Variants in GRIK4 observed in about 807,000 individuals in gnomAD.
The protein encoded by GRIK4 is glutamate ionotropic receptor kainate type subunit 4, also known as glutamate receptor ionotropic, kainate 4.
Under a neutral mutation model 104.9 loss-of-function variants are expected in GRIK4, and 40 were observed. That is an observed-to-expected ratio of 0.38 (90% CI 0.30 to 0.50). The LOEUF (loss-of-function observed/expected upper bound fraction) is 0.50, where lower values mean the gene tolerates loss of function less well. Among genes scored for constraint, GRIK4 ranks in the 20% least tolerant of loss-of-function variants. The pLI, the probability that GRIK4 is intolerant of heterozygous loss-of-function variation, is 0.93. For missense variants in GRIK4, 1,047 were observed against 1,308.1 expected (o/e 0.80, Z 3.08); for synonymous variants, 485 against 524.9 (o/e 0.92, Z 1.04).
In GRIK4 at chr11:120,903,654, C is replaced by T. The variant is rs1326986791; in HGVS notation, c.1273-1636C>T. Among the ~76,000 whole-genome samples, 2 of 152,230 alleles carry T rather than the reference C, an allele frequency of 1.3e-5. No homozygotes were observed. The highest frequency in any genetic ancestry group is 2.4e-5 in the African/African-American group (1 of 41,458). On this transcript the variant is annotated intron_variant, in intron 12 of 20. Coordinates refer to ENST00000527524, the MANE Select transcript of GRIK4 (RefSeq NM_014619.5). The surrounding 1 kb of genome is among the most constrained non-coding windows in gnomAD (Gnocchi z 4.4). ...AGCTGCCCTCCAACGTAGGGAGTCACAGAATCACAGAATTGGGTGGGCCCC... is the reference window on the plus strand; with the variant it reads ...AGCTGCCCTCCAACGTAGGGAGTCATAGAATCACAGAATTGGGTGGGCCCC...
chr11:120,864,203 ATTTT>A (rs1175787044), intron 9 of GRIK4, among the ~76,000 whole-genome samples: 7 of 139,486 alleles, frequency 5.0e-5, no homozygotes, highest in African/African-American at 1.6e-4. Context: ...CAGTATTTTT[ATTTT>A]TATTTATTTA....
At chr11:120,519,886 T>C (rs553649401) in intron 1 of GRIK4, among the ~76,000 whole-genome samples, 3 of 149,484 alleles carry the variant, frequency 2.0e-5, no homozygotes, top group Non-Finnish European at 4.4e-5. Flanking sequence ...TTTTGTTTTT[T>C]TTTTTGTTGT....
chr11:120,936,275 C>G, intron 13 of GRIK4: 1 of 510,138 alleles, frequency 2.0e-6, no homozygotes, highest in Non-Finnish European at 3.9e-6. Context: ...CATCTTCCAG[C>G]TCCTTTGCAA....
chr11:120,754,065 T>C (rs368629910), intron 3 of GRIK4, among the ~76,000 whole-genome samples: 1 of 152,180 alleles, frequency 6.6e-6, no homozygotes, highest in East Asian at 1.9e-4. Flanking sequence ...GGAGTCTTGC[T>C]GTGTCACTCA....
At chr11:120,810,057 A>G (rs1002331378) in intron 4 of GRIK4, among the ~76,000 whole-genome samples, 15 of 152,212 alleles carry the variant, frequency 9.9e-5, no homozygotes, top group African/African-American at 1.7e-4. Flanking sequence ...AAAGTGAGAC[A>G]CTGTCTCAAA....
chr11:120,982,323 A>C lies in GRIK4; in HGVS notation c.2514+99A>C, dbSNP rs537316920. 137 of 731,574 alleles carry C rather than the reference A, an allele frequency of 1.9e-4. 1 individual carries two copies. The African/African-American group carries it at 2.2e-3, about 11-fold the overall frequency. The allele number at this position is 731,574 out of a possible 1,614,324, so 45.3% of individuals were successfully genotyped here. ...GTTATTTCAGACGCTTACCACAGGA[A>C]GTGCAGCAAAGAGAATCCCAGTGCC... On this transcript the variant is annotated intron_variant, in intron 20 of 20. Coordinates refer to ENST00000527524, the MANE Select transcript of GRIK4 (RefSeq NM_014619.5).
intron 1 of GRIK4, among the ~76,000 whole-genome samples, chr11:120,621,580 CAG>C (rs1174039251): frequency 1.3e-5 from 2 of 152,142 alleles, no homozygotes. Flanking sequence ...CTGGCATCCT[CAG>C]GGGCTTATGA....
At chr11:120,684,854 C>T (rs1950251213) in intron 3 of GRIK4, among the ~76,000 whole-genome samples, 1 of 152,156 alleles carries the variant, frequency 6.6e-6, no homozygotes, top group East Asian at 1.9e-4. Context: ...GGACTACAGG[C>T]GCCCGCCACC....
intron 13 of GRIK4, among the ~76,000 whole-genome samples, chr11:120,907,859 T>C (rs1942903695): frequency 6.6e-6 from 1 of 152,108 alleles, no homozygotes; most frequent in South Asian, 2.1e-4. Flanking sequence ...GGTAGAAGGC[T>C]GAAGGCCGTT....
At chr11:120,880,157 G>A (rs1000706161) in intron 11 of GRIK4, among the ~76,000 whole-genome samples, 1 of 152,120 alleles carries the variant, frequency 6.6e-6, no homozygotes, top group Non-Finnish European at 1.5e-5. Context: ...TCATTTCTCT[G>A]AGCAATGGAG....
chr11:120,674,920 G>A (rs1459000582), intron 3 of GRIK4, among the ~76,000 whole-genome samples: 1 of 152,204 alleles, frequency 6.6e-6, no homozygotes, highest in Non-Finnish European at 1.5e-5. Flanking sequence ...CTGGAGAAGA[G>A]GGAGAACTTT....
intron 9 of GRIK4, chr11:120,871,973 A>C: frequency 2.2e-6 from 1 of 452,360 alleles, no homozygotes; most frequent in South Asian, 1.6e-5. Flanking sequence ...CTCCTGGCCC[A>C]ACATGTAGCA....
chr11:120,672,377 C>G (rs940954930), intron 3 of GRIK4, among the ~76,000 whole-genome samples: 2 of 152,044 alleles, frequency 1.3e-5, no homozygotes, highest in Admixed American at 1.3e-4. Flanking sequence ...GATTGCACCA[C>G]TGCACTCCAG....
chr11:120,874,732 T>C (rs2135680868), intron 10 of GRIK4, among the ~76,000 whole-genome samples: 1 of 152,284 alleles, frequency 6.6e-6, no homozygotes, highest in South Asian at 2.1e-4. Context: ...TGTCTTGGAC[T>C]TTGCATTTAG....
intron 1 of GRIK4, among the ~76,000 whole-genome samples, chr11:120,598,271 C>T (rs148534506): frequency 1.9e-3 from 292 of 152,296 alleles, no homozygotes; most frequent in Non-Finnish European, 3.2e-3. Context: ...CGTTATGAAA[C>T]GGCTTGCTGT....
chr11:120,904,035 G>A (rs2134503295), intron 12 of GRIK4, among the ~76,000 whole-genome samples: 1 of 152,252 alleles, frequency 6.6e-6, no homozygotes, highest in Non-Finnish European at 1.5e-5. Context: ...GTTGTCTTCT[G>A]TGATTGCCCT....
At chr11:120,881,065 C>G (rs1402824271) in intron 11 of GRIK4, among the ~76,000 whole-genome samples, 2 of 152,162 alleles carry the variant, frequency 1.3e-5, no homozygotes, top group African/African-American at 4.8e-5. Flanking sequence ...GTGGCTGCCA[C>G]ATCTCTCACC....
At chr11:120,660,470 G>A (rs1309383918) in intron 3 of GRIK4, 70 bp downstream of exon 3, 3 of 1,212,084 alleles carry the variant, frequency 2.5e-6, no homozygotes, top group Non-Finnish European at 3.6e-6. Context: ...ACATGAGAGT[G>A]CTGCACAGGA....
intron 14 of GRIK4, among the ~76,000 whole-genome samples, chr11:120,944,207 C>G (rs1591313612): frequency 7.4e-6 from 1 of 134,674 alleles, no homozygotes; most frequent in Middle Eastern, 3.7e-3. Context: ...TTCTTTCTCT[C>G]TCTCTCTCTC....
Sources: gnomAD v4.1 joint callset for allele counts (sites outside exome capture counted in the v4.1 genomes callset) on GRCh38, gnomAD v4.1.1 for gene constraint, Gnocchi (gnomAD v3.1) non-coding constraint, MANE v1.5 for transcripts, NCBI Gene and HGNC (gene_info 2026-07-23, HGNC 2026-07-21) for gene names.